Variants in CSMD2 observed in about 807,000 individuals in gnomAD.
The protein encoded by CSMD2 is CUB and sushi domain-containing protein 2.
In CSMD2, 130 loss-of-function variants were observed where a neutral mutation model predicts 398.5. That is an observed-to-expected ratio of 0.33 (90% CI 0.28 to 0.38). The LOEUF (loss-of-function observed/expected upper bound fraction) is 0.38. Among genes scored for constraint, CSMD2 ranks in the 10% least tolerant of loss-of-function variants. CSMD2 has a pLI of 1.00. For synonymous variants in CSMD2, 1,828 were observed against 1,908.5 expected (o/e 0.96, Z 1.10); for missense variants, 3,829 against 4,764.9 (o/e 0.80, Z 5.78).
At chr1:33,899,115 G>C (rs574512080) in intron 5 of CSMD2, among the ~76,000 whole-genome samples, 43 of 152,326 alleles carry the variant, frequency 2.8e-4, no homozygotes, top group African/African-American at 1.0e-3. Flanking sequence ...AATGACACGG[G>C]CCATTTATCT....
At chr1:33,639,508 C>G (rs1435935997) in intron 29 of CSMD2, among the ~76,000 whole-genome samples, 1 of 152,174 alleles carries the variant, frequency 6.6e-6, no homozygotes, top group Non-Finnish European at 1.5e-5. Context: ...ATTTTGGTAA[C>G]TTGGGTAAGG....
At chr1:34,042,766 T>C (rs911979961) in intron 2 of CSMD2, among the ~76,000 whole-genome samples, 2 of 152,116 alleles carry the variant, frequency 1.3e-5, no homozygotes, top group Non-Finnish European at 2.9e-5. Context: ...TCTCTCCCCT[T>C]TGGTCTTTCC....
At chr1:33,694,170 G>A (rs1645337944) in intron 24 of CSMD2, among the ~76,000 whole-genome samples, 1 of 152,204 alleles carries the variant, frequency 6.6e-6, no homozygotes. Context: ...GACACATTGT[G>A]CGATTCCACT....
chr1:33,868,964 C>T (rs1316682119), intron 5 of CSMD2: 2 of 152,082 alleles, frequency 1.3e-5, no homozygotes, highest in Non-Finnish European at 2.9e-5. Context: ...AAGAGTCCTC[C>T]AAGCAGCAGG....
chr1:33,580,316 G>A (rs1638602895), intron 48 of CSMD2, among the ~76,000 whole-genome samples: 1 of 152,094 alleles, frequency 6.6e-6, no homozygotes. Context: ...TCAGTCTTTG[G>A]CCTTTTGATC....
chr1:33,667,299 G>C lies in CSMD2; in HGVS notation c.4053-4207C>G, dbSNP rs1459739471. ...ATATGGGGACTAAATAGACATGAAG[G>C]AAAACGTGTTTCCATAACAACCACT... On this transcript the variant is annotated intron_variant, in intron 25 of 70. Transcript: ENST00000373381. 3.3e-5 allele frequency among the ~76,000 whole-genome samples: 5 copies of C among 152,260 alleles called. No individual in the cohort carries two copies. In the East Asian group the frequency reaches 9.7e-4, roughly 29 times the overall value.
At chr1:33,600,242 C>A in intron 44 of CSMD2, 1 of 701,778 alleles carries the variant, frequency 1.4e-6, no homozygotes, top group Non-Finnish European at 2.6e-6. Context: ...CTGCAGTGAT[C>A]TGTAAATTGC....
At chr1:34,057,603 G>C (rs140516757) in intron 2 of CSMD2, among the ~76,000 whole-genome samples, 2 of 152,132 alleles carry the variant, frequency 1.3e-5, no homozygotes, top group Non-Finnish European at 2.9e-5. Context: ...GCCAGACTCA[G>C]TCCTCCAGCC....
chr1:34,101,175 C>T (rs1202067359), intron 1 of CSMD2, among the ~76,000 whole-genome samples: 1 of 152,166 alleles, frequency 6.6e-6, no homozygotes, highest in Non-Finnish European at 1.5e-5. Flanking sequence ...GATGTTCTGC[C>T]CTGTAGATGG....
intron 1 of CSMD2, among the ~76,000 whole-genome samples, chr1:34,134,678 C>T (rs568185039): frequency 1.6e-4 from 25 of 152,120 alleles, no homozygotes; most frequent in Non-Finnish European, 2.8e-4. Context: ...CATGCTACTA[C>T]AGATTAAAGA....
chr1:33,527,140 A>G lies in CSMD2; in HGVS notation c.10234+56T>C. 2.0e-6 allele frequency: 3 copies of G among 1,480,090 alleles called. No homozygotes were observed. In the South Asian group the frequency reaches 3.4e-5, roughly 17 times the overall value. The allele number at this position is 1,480,090 out of a possible 1,614,324, so 91.7% of individuals were successfully genotyped here. On this transcript the variant is annotated intron_variant, in intron 65 of 70. Coordinates refer to ENST00000373381, the MANE Select transcript of CSMD2 (RefSeq NM_001281956.2). ...CTCAGCAACACGAGTTTTCTGGCTA[A>G]CTGTGTGAAAAAAGTAACACCAGTT...
At position 33,533,521 on chromosome 1, in the gene CSMD2, C is replaced by T. The variant is rs560702392; in HGVS notation, c.9991+275G>A. The stretch of plus-strand genomic sequence containing the variant: ...TAACTGGGTCAAAAGCTTGATATCT[C>T]CATCCTGAGGCCTGGCCTTGCAGTT... On this transcript the variant is annotated intron_variant, in intron 63 of 70. Coordinates refer to ENST00000373381, the MANE Select transcript of CSMD2 (RefSeq NM_001281956.2). This position sits in a 1 kb window ranked among gnomAD's most constrained non-coding sequence, Gnocchi z 4.2. Among the ~76,000 whole-genome samples, 127 of 152,326 alleles carry T rather than the reference C, an allele frequency of 8.3e-4. No homozygotes were observed. Among genetic ancestry groups the T allele is most frequent in the Middle Eastern group, 3.4e-3 (1 of 294 alleles).
intron 27 of CSMD2, among the ~76,000 whole-genome samples, chr1:33,654,406 C>A (rs550926255): frequency 7.2e-5 from 11 of 152,312 alleles, no homozygotes; most frequent in African/African-American, 2.4e-4. Flanking sequence ...CCCCTTTCTA[C>A]TTCCATACAG....
chr1:33,713,751 T>C (rs751712357), intron 21 of CSMD2, among the ~76,000 whole-genome samples: 2 of 152,134 alleles, frequency 1.3e-5, no homozygotes, highest in Non-Finnish European at 2.9e-5. Context: ...AGCATGCTCA[T>C]GGTTTGGGTC....
At chr1:33,550,736 G>A (rs955027397) in intron 55 of CSMD2, among the ~76,000 whole-genome samples, 1 of 152,136 alleles carries the variant, frequency 6.6e-6, no homozygotes, top group Non-Finnish European at 1.5e-5. Flanking sequence ...TGTCTTCATT[G>A]GCCAAGGATT....
At chr1:33,622,107 G>A in intron 37 of CSMD2, 60 bp downstream of exon 37, 1 of 1,237,068 alleles carries the variant, frequency 8.1e-7, no homozygotes, top group South Asian at 1.2e-5. Flanking sequence ...CTCAGAAGGG[G>A]CTCAGCAACT....
At chr1:34,030,978 C>A (rs571880758) in intron 3 of CSMD2, among the ~76,000 whole-genome samples, 2 of 152,300 alleles carry the variant, frequency 1.3e-5, no homozygotes, top group African/African-American at 4.8e-5. Flanking sequence ...GAAGAGGCTT[C>A]TCCTAGTGAG....
rs1653695296 is a variant in CSMD2, at chr1:33,515,633, G to C, written c.*991C>G. 6.6e-6 allele frequency: 1 copy of C among 152,178 alleles called. No homozygotes were observed. The highest frequency in any genetic ancestry group is 3.2e-3 in the Middle Eastern group (1 of 316). 9.4% of individuals were successfully genotyped at this position (152,178 alleles called of 1,614,324 possible). A position where few individuals can be genotyped will look rare whatever the true frequency, so the allele number is the denominator to read the frequency against. On this transcript the variant is annotated 3_prime_UTR_variant, in exon 71 of 71. Transcript: ENST00000373381. ...ATTGTGCAGACTAGAAATACTACAGGTAAAGTGTCAGGCACAGAGAATAAC... is the reference window on the plus strand; with the variant it reads ...ATTGTGCAGACTAGAAATACTACAGCTAAAGTGTCAGGCACAGAGAATAAC...
At chr1:33,897,266 G>A (rs997375055) in intron 5 of CSMD2, among the ~76,000 whole-genome samples, 1 of 152,122 alleles carries the variant, frequency 6.6e-6, no homozygotes, top group Non-Finnish European at 1.5e-5. Flanking sequence ...ACAAACGCCG[G>A]CTCAGTGCTA....
Sources: gnomAD v4.1 joint callset for allele counts (sites outside exome capture counted in the v4.1 genomes callset) on GRCh38, gnomAD v4.1.1 for gene constraint, Gnocchi (gnomAD v3.1) non-coding constraint, MANE v1.5 for transcripts, NCBI Gene and HGNC (gene_info 2026-07-23, HGNC 2026-07-21) for gene names.